The following KIF21B variants were observed in gnomAD, a reference collection of about 807,000 sequenced individuals.
The protein encoded by KIF21B is kinesin-like protein KIF21B.
Under a neutral mutation model 192.9 loss-of-function variants are expected in KIF21B, and 85 were observed. That is an observed-to-expected ratio of 0.44 (90% CI 0.37 to 0.53). KIF21B has a LOEUF of 0.53. KIF21B is among the 20% of genes least tolerant of loss of function. The probability of loss-of-function intolerance (pLI) is 0.00; values close to 1 mark genes in which losing one functional copy is unlikely to be tolerated. For synonymous variants in KIF21B, 832 were observed against 884.6 expected (o/e 0.94, Z 1.05); for missense variants, 1,716 against 2,194.8 (o/e 0.78, Z 4.36).
At chr1:200,981,262 G>A (rs781436161) in intron 28 of KIF21B, among the ~76,000 whole-genome samples, 166 bp from the exon 29 acceptor site, 1 of 152,238 alleles carries the variant, frequency 6.6e-6, no homozygotes, top group South Asian at 2.1e-4. Flanking sequence ...TGAGAGCCGG[G>A]AACGGGCTAC....
rs751873223 is a variant in KIF21B at position 200,981,167 on chromosome 1, G to A, written c.3843-71C>T. The A allele has an allele frequency of 1.2e-3, 1,819 of 1,502,784 alleles. 5 individuals are homozygous for A. The highest frequency in any genetic ancestry group is 1.5e-3 in the Non-Finnish European group (1,691 of 1,124,946). The allele number at this position is 1,502,784 out of a possible 1,614,324, so 93.1% of individuals were successfully genotyped here. Reference sequence around the variant, plus strand: ...ACTGTGGCCAGGCTGATCAAGGCACGTGTGTGGGATGGGGACAGGGCAGGG... The same window carrying A: ...ACTGTGGCCAGGCTGATCAAGGCACATGTGTGGGATGGGGACAGGGCAGGG... On this transcript the variant is annotated intron_variant, in intron 28 of 34. Coordinates refer to ENST00000461742, the MANE Select transcript of KIF21B (RefSeq NM_001252102.2).
At position 201,000,378 on chromosome 1, in the gene KIF21B, C is replaced by G. The variant is rs145839917; in HGVS notation, c.1685+12G>C. ...TGAGGGCTCTCAGGGGCGGGGACGA[C>G]ACTCCACTCACCTCTTCCTCCGCTG... On this transcript the variant is annotated intron_variant, in intron 11 of 34. Coordinates refer to ENST00000461742, the MANE Select transcript of KIF21B (RefSeq NM_001252102.2). The surrounding 1 kb of genome is among the most constrained non-coding windows in gnomAD (Gnocchi z 6.0). 2.0e-4 allele frequency: 315 copies of G among 1,543,028 alleles called. 1 individual carries two copies. In the African/African-American group the frequency reaches 3.9e-3, roughly 19 times the overall value.
At position 200,990,446 on chromosome 1, in the gene KIF21B, T is replaced by C; in HGVS notation, c.2836-114A>G. On this transcript the variant is annotated intron_variant, in intron 19 of 34. Coordinates refer to ENST00000461742, the MANE Select transcript of KIF21B (RefSeq NM_001252102.2). The surrounding 1 kb of genome is among the most constrained non-coding windows in gnomAD (Gnocchi z 5.4). ...GCCTGTGAGGTCCCCCCAGCACCTC[T>C]GGATTCCAGAGCAGGCAAAAGGAGC... 6.8e-7 allele frequency: 1 copy of C among 1,480,794 alleles called. No individual in the cohort carries two copies. The highest frequency in any genetic ancestry group is 1.8e-5 in the Admixed American group (1 of 54,066). The allele number at this position is 1,480,794 out of a possible 1,614,324, so 91.7% of individuals were successfully genotyped here.
chr1:200,983,232 G>C (rs1447393991), intron 27 of KIF21B, 138 bp from the exon 28 acceptor site: 4 of 741,718 alleles, frequency 5.4e-6, no homozygotes, highest in Non-Finnish European at 9.3e-6. Context: ...GCAGAGGAAT[G>C]AGGGCCTCGG....
rs930035064 is a variant in KIF21B at position 200,977,376 on chromosome 1, C to T, written c.4161G>A (p.Thr1387=). ...RDSAKCIRTL[T]SSGQVISGDA... is the part of the protein sequence containing the mutation. ...CCCCTGAGATCACCTGGCCCGAGGA[C>T]CTGCCCATCGGAGAAAGGCAAGGCC... The change falls in exon 31 of 35, where the codon ACG becomes ACA. Residue 1387 remains threonine (T), a splice_region_variant and synonymous_variant. Transcript: ENST00000461742. The T allele has an allele frequency of 1.9e-6, 3 of 1,613,506 alleles. No individual in the cohort carries two copies. The African/African-American group carries it at 4.0e-5, about 22-fold the overall frequency.
In KIF21B at chr1:201,005,439, T is replaced by G. The variant is rs1657756321; in HGVS notation, c.601A>C (p.Ile201Leu). 1.9e-6 allele frequency: 3 copies of G among 1,606,474 alleles called. No homozygotes were observed. Among genetic ancestry groups the G allele is most frequent in the Non-Finnish European group, 2.6e-6 (3 of 1,175,538 alleles). Residue 201 changes from isoleucine to leucine, a missense_variant, in exon 5 of 35, where the codon ATC becomes CTC. Ile to Leu is a conservative substitution (Grantham distance 5). This residue lies in a region of KIF21B where 1,087 missense variants were observed against 1,316.6 expected (regional missense o/e 0.83). Transcript: ENST00000461742. The stretch of plus-strand genomic sequence containing the variant: ...AGGGCCCCCTGCTTCAGGCACTGGA[T>G]CAGCTGGAAACAGAAGCAGAAGTGA... Reference protein sequence around the residue: ...SRLIHSQEELIQCLKQGALSR... With the variant: ...SRLIHSQEELLQCLKQGALSR...
chr1:200,976,744 C>T (rs914773192), intron 32 of KIF21B, 32 bp downstream of exon 32: 1 of 1,435,640 alleles, frequency 7.0e-7, no homozygotes, highest in Admixed American at 1.8e-5. Context: ...AGTGGAAGAC[C>T]AGCCCCGACC....
At chr1:201,020,410 C>T (rs1345197841) in intron 1 of KIF21B, among the ~76,000 whole-genome samples, 1 of 152,198 alleles carries the variant, frequency 6.6e-6, no homozygotes, top group Non-Finnish European at 1.5e-5. Flanking sequence ...CCCCAGGTGA[C>T]TGCCAGTTCT....
rs1018472986 is a variant in KIF21B, at chr1:200,972,127, C to T, written c.*1394G>A. 1.3e-5 allele frequency: 2 copies of T among 152,230 alleles called. No homozygotes were observed. Among genetic ancestry groups the T allele is most frequent in the African/African-American group, 4.8e-5 (2 of 41,412 alleles). 9.4% of individuals were successfully genotyped at this position (152,230 alleles called of 1,614,324 possible). On this transcript the variant is annotated 3_prime_UTR_variant, in exon 35 of 35. Transcript: ENST00000461742. ...GCCCACTCCTGTAATTCCAGAGTTC[C>T]CCCAACAGGGGGCGCCAGAACACTG...
chr1:201,009,510 C>G (rs1658113919), intron 1 of KIF21B, 22 bp from the exon 2 acceptor site: 1 of 1,607,104 alleles, frequency 6.2e-7, no homozygotes, highest in Non-Finnish European at 8.5e-7. Context: ...GGAGAGAGCC[C>G]TGGGTCAGGC....
chr1:200,980,629 T>C (rs1466457481), intron 29 of KIF21B, among the ~76,000 whole-genome samples: 2 of 152,204 alleles, frequency 1.3e-5, no homozygotes, highest in Non-Finnish European at 2.9e-5. Flanking sequence ...GCTGAGATCA[T>C]AGGGAGTGCC....
intron 28 of KIF21B, among the ~76,000 whole-genome samples, 163 bp from the exon 29 acceptor site, chr1:200,981,259 C>T (rs569445573): frequency 4.6e-5 from 7 of 152,302 alleles, no homozygotes; most frequent in African/African-American, 1.4e-4. Context: ...GTCTGAGAGC[C>T]GGGAACGGGC....
chr1:200,988,326 G>A lies in KIF21B; in HGVS notation c.3378C>T (p.Gly1126=). ...GSFSQSFTMK[G]STSHDDFKFK... ...ACTTGAAATCGTCATGGCTGGTGGAGCCTTTCATGGTGAATGACTGGGAGA... is the reference window on the plus strand; with the variant it reads ...ACTTGAAATCGTCATGGCTGGTGGAACCTTTCATGGTGAATGACTGGGAGA... The change falls in exon 24 of 35, where the codon GGC becomes GGT. Residue 1126 remains glycine, a synonymous_variant. Transcript: ENST00000461742. 2 of 1,614,158 alleles carry A rather than the reference G, an allele frequency of 1.2e-6. No individual in the cohort carries two copies. Among genetic ancestry groups the A allele is most frequent in the South Asian group, 2.2e-5 (2 of 91,086 alleles).
Position 201,000,689 on chromosome 1 carries a change from G to C in KIF21B, c.1466+28C>G, listed in dbSNP as rs375457053. 3.7e-6 allele frequency: 6 copies of C among 1,613,806 alleles called. No homozygotes were observed. In the African/African-American group the frequency reaches 6.7e-5, roughly 18 times the overall value. On this transcript the variant is annotated intron_variant, in intron 10 of 34. Coordinates refer to ENST00000461742, the MANE Select transcript of KIF21B (RefSeq NM_001252102.2). This position sits in a 1 kb window ranked among gnomAD's most constrained non-coding sequence, Gnocchi z 6.0. ...CACCTGGCCGAGGCCCCCAGCCCGC[G>C]CACACCTGCCGGAGCTCACTCACTC...
chr1:200,974,943 G>A, intron 33 of KIF21B, 30 bp from the exon 34 acceptor site: 5 of 1,605,762 alleles, frequency 3.1e-6, no homozygotes, highest in Non-Finnish European at 4.3e-6. Context: ...GGTGAGGGCT[G>A]GGGGAGGTGA....
At chr1:201,018,815 C>A (rs1658657387) in intron 1 of KIF21B, among the ~76,000 whole-genome samples, 1 of 152,232 alleles carries the variant, frequency 6.6e-6, no homozygotes, top group Non-Finnish European at 1.5e-5. Flanking sequence ...CCACACCATG[C>A]ATTCTGCTCT....
At chr1:200,983,635 G>C (rs945856029) in intron 27 of KIF21B, among the ~76,000 whole-genome samples, 1 of 152,204 alleles carries the variant, frequency 6.6e-6, no homozygotes, top group Non-Finnish European at 1.5e-5. Flanking sequence ...CCATGCACAG[G>C]CTCCAAGACC....
At chr1:201,014,731 C>T (rs1658412258) in intron 1 of KIF21B, among the ~76,000 whole-genome samples, 1 of 152,214 alleles carries the variant, frequency 6.6e-6, no homozygotes, top group Non-Finnish European at 1.5e-5. Context: ...TGGCTAGGGT[C>T]CCTCCCTTAG....
At position 201,008,870 on chromosome 1, in the gene KIF21B, C is replaced by T. The variant is rs374795746; in HGVS notation, c.346G>A (p.Ala116Thr). Residue 116 changes from alanine (A) to threonine (T), a missense_variant, in exon 3 of 35, where the codon GCC becomes ACC. Transcript: ENST00000461742. ...SEEEQGIIPR[A>T]IAHLFGGIAE... ...ATGCCCCCAAAGAGGTGTGCGATGG[C>T]CCTCGGGATGATGCCCTGCTCCTCC... The T allele has an allele frequency of 6.2e-7, 1 of 1,611,422 alleles. No individual in the cohort carries two copies. Among genetic ancestry groups the T allele is most frequent in the Non-Finnish European group, 8.5e-7 (1 of 1,179,974 alleles).
Sources: gnomAD v4.1 joint callset for allele counts (sites outside exome capture counted in the v4.1 genomes callset) on GRCh38, gnomAD v4.1.1 for gene constraint, gnomAD v4.1.1 regional missense constraint, Gnocchi (gnomAD v3.1) non-coding constraint, MANE v1.5 for transcripts, NCBI Gene and HGNC (gene_info 2026-07-23, HGNC 2026-07-21) for gene names.